Variants in AGBL3 observed in about 807,000 individuals in gnomAD.
AGBL3 encodes the protein AGBL carboxypeptidase 3, also known as cytosolic carboxypeptidase 3.
In AGBL3, 68 loss-of-function variants were observed where a neutral mutation model predicts 94.5. The observed-to-expected ratio is 0.72, with a 90% confidence interval of 0.59 to 0.88. AGBL3 has a LOEUF of 0.88. Ranked by LOEUF, AGBL3 falls within the 40% of genes least tolerant of loss-of-function variation. AGBL3 has a pLI of 0.00. For synonymous variants in AGBL3, 354 were observed against 370.7 expected (o/e 0.95, Z 0.52); for missense variants, 934 against 1,103.8 (o/e 0.85, Z 2.18).
intron 15 of AGBL3, chr7:135,101,407 A>G (rs1823810735): frequency 2.9e-6 from 1 of 345,080 alleles, no homozygotes; most frequent in African/African-American, 2.1e-5. Context: ...ATTGATAGCT[A>G]TTTTAGTCCT....
chr7:135,018,251 C>A (rs1814032807), intron 5 of AGBL3, among the ~76,000 whole-genome samples: 1 of 152,156 alleles, frequency 6.6e-6, no homozygotes, highest in Non-Finnish European at 1.5e-5. Flanking sequence ...AGCCTCGAAA[C>A]AACTGTAGCT....
intron 4 of AGBL3, chr7:135,011,942 G>T (rs1443184320): frequency 2.0e-5 from 3 of 152,086 alleles, no homozygotes; most frequent in Admixed American, 1.3e-4. Context: ...GTGAGCACAG[G>T]TGCTCTAAGC....
intron 7 of AGBL3, among the ~76,000 whole-genome samples, chr7:135,036,957 C>A (rs987598750): frequency 1.3e-5 from 2 of 151,038 alleles, no homozygotes; most frequent in African/African-American, 4.9e-5. Flanking sequence ...CACTCTGTTG[C>A]CCAGGCTGGA....
chr7:135,033,182 T>C (rs191982287), intron 6 of AGBL3, among the ~76,000 whole-genome samples, 200 bp downstream of exon 6: 83 of 152,278 alleles, frequency 5.5e-4, no homozygotes, highest in African/African-American at 1.9e-3. Context: ...TGAGGTAAAG[T>C]TAAGAAGGCT....
intron 12 of AGBL3, among the ~76,000 whole-genome samples, chr7:135,070,076 A>G (rs1403907502): frequency 7.9e-5 from 12 of 152,240 alleles, no homozygotes; most frequent in African/African-American, 2.9e-4. Flanking sequence ...ACAAACTACC[A>G]TCAGAGAATA....
At position 135,115,574 on chromosome 7, in the gene AGBL3, C is replaced by T; in HGVS notation, c.2305C>T (p.Leu769=). The T allele has an allele frequency of 6.4e-7, 1 of 1,550,926 alleles. No individual in the cohort carries two copies. Among genetic ancestry groups the T allele is most frequent in the Non-Finnish European group, 8.7e-7 (1 of 1,146,602 alleles). ...KNMQTTQIKQ[L]FNPRTNFQIQ... ...CATGCAAACCACTCAGATAAAACAG[C>T]TATTCAATCCAAGAACCAACTTCCA... The change falls in exon 16 of 17, where the codon CTA becomes TTA. Residue 769 remains leucine (L), a synonymous_variant. Transcript: ENST00000436302.
At position 134,993,652 on chromosome 7, in the gene AGBL3, T is replaced by A; in HGVS notation, c.284T>A (p.Val95Asp). Reference sequence around the variant, plus strand: ...ACACGGTGGCCATACCATTGTGAAGTCATCGATGAAAAAGTCCAGCATATT... The same window carrying A: ...ACACGGTGGCCATACCATTGTGAAGACATCGATGAAAAAGTCCAGCATATT... ...SPTRWPYHCE[V>D]IDEKVQHIDW... The change falls in exon 4 of 17, where the codon GTC becomes GAC. Residue 95 changes from valine to aspartate, a missense_variant. Val to Asp is a radical substitution (Grantham distance 152, BLOSUM62 -3). Transcript: ENST00000436302. 6.4e-7 allele frequency: 1 copy of A among 1,550,388 alleles called. No homozygotes were observed. The highest frequency in any genetic ancestry group is 8.7e-7 in the Non-Finnish European group (1 of 1,146,256).
intron 4 of AGBL3, among the ~76,000 whole-genome samples, chr7:135,005,848 T>G (rs1812318553): frequency 6.6e-6 from 1 of 151,720 alleles, no homozygotes; most frequent in African/African-American, 2.4e-5. Context: ...AAGTTTGCAT[T>G]TTCAACAAAT....
At chr7:135,048,716 T>C (rs1353087461) in intron 11 of AGBL3, among the ~76,000 whole-genome samples, 1 of 151,222 alleles carries the variant, frequency 6.6e-6, no homozygotes, top group African/African-American at 2.4e-5. Flanking sequence ...TTTTGTAACC[T>C]GTAACTTTCT....
At chr7:135,101,037 G>T (rs751616487) in intron 15 of AGBL3, 13 of 377,938 alleles carry the variant, frequency 3.4e-5, no homozygotes, top group Non-Finnish European at 6.8e-5. Flanking sequence ...TACATGAGTA[G>T]CTTACTGTTG....
rs1813352817 is a variant in AGBL3 at position 135,013,037 on chromosome 7, AC to A, written c.311-4014del. On this transcript the variant is annotated intron_variant, in intron 4 of 16. Transcript: ENST00000436302. ...AAAAAATATTCCCAACACATATATG[AC>A]AAAAGACTTGTATGCAGAATATATG... Among the ~76,000 whole-genome samples the A allele has an allele frequency of 2.0e-5, 3 of 152,202 alleles. No individual in the cohort carries two copies. The South Asian group carries it at 6.2e-4, about 31-fold the overall frequency.
At chr7:134,999,903 C>T (rs1334098479) in intron 4 of AGBL3, among the ~76,000 whole-genome samples, 1 of 152,162 alleles carries the variant, frequency 6.6e-6, no homozygotes, top group African/African-American at 2.4e-5. Context: ...GTTGATTATC[C>T]ACCTTGGAAC....
chr7:135,026,643 G>A (rs1815175635), intron 5 of AGBL3, among the ~76,000 whole-genome samples: 1 of 151,622 alleles, frequency 6.6e-6, no homozygotes, highest in African/African-American at 2.4e-5. Flanking sequence ...TGTTGTTTGA[G>A]AGTAATATAG....
At chr7:135,080,941 T>C (rs1362761939) in intron 14 of AGBL3, among the ~76,000 whole-genome samples, 1 of 148,506 alleles carries the variant, frequency 6.7e-6, no homozygotes, top group Admixed American at 6.7e-5. Flanking sequence ...GTAACCTAAT[T>C]ACACACACAC....
intron 4 of AGBL3, among the ~76,000 whole-genome samples, chr7:134,998,079 T>C (rs944448977): frequency 2.0e-5 from 3 of 152,196 alleles, no homozygotes; most frequent in African/African-American, 7.2e-5. Context: ...TATGACTGAC[T>C]TACCTAAGGG....
intron 5 of AGBL3, among the ~76,000 whole-genome samples, chr7:135,019,484 T>C (rs1266551760): frequency 6.6e-6 from 1 of 152,258 alleles, no homozygotes; most frequent in Non-Finnish European, 1.5e-5. Context: ...ATCTTTGTCT[T>C]TGATTCATCT....
At position 134,996,757 on chromosome 7, in the gene AGBL3, G is replaced by A. The variant is rs138111308; in HGVS notation, c.310+3079G>A. On this transcript the variant is annotated intron_variant, in intron 4 of 16. Coordinates refer to ENST00000436302, the MANE Select transcript of AGBL3 (RefSeq NM_178563.4). ...TATGTGTGGCCTAATGCATATATAC[G>A]TACATATTTTGGGGGTACATTCCCA... Among the ~76,000 whole-genome samples the A allele has an allele frequency of 1.0e-3, 156 of 152,178 alleles. 2 individuals are homozygous for A. The highest frequency in any genetic ancestry group is 3.4e-3 in the African/African-American group (143 of 41,510).
intron 4 of AGBL3, among the ~76,000 whole-genome samples, chr7:135,016,629 T>A (rs2133487218): frequency 6.6e-6 from 1 of 152,226 alleles, no homozygotes; most frequent in South Asian, 2.1e-4. Context: ...TCTTTCCTTT[T>A]GGGAGATAAA....
At chr7:135,050,454 A>C (rs996754979) in intron 11 of AGBL3, among the ~76,000 whole-genome samples, 1 of 151,918 alleles carries the variant, frequency 6.6e-6, no homozygotes, top group Non-Finnish European at 1.5e-5. Flanking sequence ...ATCTATGTTG[A>C]TATTCTATTA....
Sources: allele counts gnomAD v4.1 joint callset (sites outside exome capture counted in the v4.1 genomes callset), GRCh38; gene constraint gnomAD v4.1.1; transcripts MANE v1.5; gene names NCBI Gene and HGNC (gene_info 2026-07-23, HGNC 2026-07-21).